Variants in PARD3 observed in about 807,000 individuals in gnomAD.
PARD3 encodes the protein partitioning defective 3 homolog.
Under a neutral mutation model 155.4 loss-of-function variants are expected in PARD3, and 75 were observed. The observed-to-expected ratio is 0.48, with a 90% confidence interval of 0.40 to 0.58. The LOEUF is 0.58. PARD3 is among the 20% of genes least tolerant of loss of function. The probability of loss-of-function intolerance (pLI) is 0.00; values close to 1 mark genes in which losing one functional copy is unlikely to be tolerated. For missense variants in PARD3, 1,642 were observed against 1,721.7 expected, an observed-to-expected ratio of 0.95 and a Z score of 0.82; for synonymous variants, 576 against 610.5, an observed-to-expected ratio of 0.94 and a Z score of 0.83.
chr10:34,599,194 A>G (rs1769663472), intron 2 of PARD3, among the ~76,000 whole-genome samples: 1 of 152,170 alleles, frequency 6.6e-6, no homozygotes, highest in Admixed American at 6.5e-5. Context: ...CATAACTCTT[A>G]GCGTAAGTAT....
chr10:34,314,066 C>A (rs1263094463), intron 20 of PARD3, among the ~76,000 whole-genome samples: 1 of 152,108 alleles, frequency 6.6e-6, no homozygotes, highest in African/African-American at 2.4e-5. Flanking sequence ...TGTGCACATG[C>A]ATGTTCTGAT....
At chr10:34,149,300 G>A (rs1037030121) in intron 22 of PARD3, among the ~76,000 whole-genome samples, 2 of 151,950 alleles carry the variant, frequency 1.3e-5, no homozygotes, top group African/African-American at 4.8e-5. Flanking sequence ...TTTCCTGGTA[G>A]TCTCCTCTTT....
chr10:34,664,795 T>C (rs2093409733), intron 2 of PARD3, among the ~76,000 whole-genome samples: 1 of 152,112 alleles, frequency 6.6e-6, no homozygotes, highest in South Asian at 2.1e-4. Flanking sequence ...CCAGAAACCT[T>C]TTTCTTAGTC....
intron 1 of PARD3, among the ~76,000 whole-genome samples, chr10:34,771,551 C>A (rs934789749): frequency 6.6e-6 from 1 of 152,242 alleles, no homozygotes; most frequent in East Asian, 1.9e-4. Flanking sequence ...AGAAAAGTTA[C>A]ACAAAACTGA....
At chr10:34,255,831 C>G (rs1485647938) in intron 22 of PARD3, among the ~76,000 whole-genome samples, 1 of 152,156 alleles carries the variant, frequency 6.6e-6, no homozygotes, top group Admixed American at 6.5e-5. Context: ...CTATTTGTAG[C>G]TTTTGAAAAT....
chr10:34,707,566 AG>A (rs1185771555), intron 1 of PARD3, among the ~76,000 whole-genome samples: 1 of 152,222 alleles, frequency 6.6e-6, no homozygotes, highest in Non-Finnish European at 1.5e-5. Flanking sequence ...GAGATCAGAG[AG>A]GAAGCTGAAA....
chr10:34,399,345 C>G lies in PARD3; in HGVS notation c.875G>C (p.Ser292Thr), dbSNP rs62625032. The change falls in exon 7 of 25, where the codon AGT (serine) becomes ACT (threonine). Residue 292 changes from serine (S) to threonine (T), a missense_variant. Physicochemically the swap from Ser to Thr is moderately conservative, Grantham distance 58. Around this residue, in one of 3 missense-constraint regions of PARD3, gnomAD observed 1,529 missense variants for 1,587.3 expected, o/e 0.96. Coordinates refer to ENST00000374788, the MANE Select transcript of PARD3 (RefSeq NM_001184785.2). The part of the protein sequence containing the change: ...GPLGIHVVPF[S>T]ARGGRTLGLL... ...GATACGTTACCTGCCGCCTCGAGCACTGAAAGGCACTACGTGGATTCCCAG... is the reference window on the plus strand; with the variant it reads ...GATACGTTACCTGCCGCCTCGAGCAGTGAAAGGCACTACGTGGATTCCCAG... 4,670 of 1,608,082 alleles carry G rather than the reference C, an allele frequency of 2.9e-3. 27 individuals are homozygous for G. Among genetic ancestry groups the G allele is most frequent in the Non-Finnish European group, 2.9e-3 (3,416 of 1,174,520 alleles).
chr10:34,331,860 A>G (rs1835653741), intron 18 of PARD3, among the ~76,000 whole-genome samples: 1 of 152,182 alleles, frequency 6.6e-6, no homozygotes, highest in South Asian at 2.1e-4. Flanking sequence ...ACAACACTGC[A>G]TAAGGAGTAA....
intron 2 of PARD3, among the ~76,000 whole-genome samples, chr10:34,560,689 G>A (rs1292922206): frequency 1.3e-5 from 2 of 152,222 alleles, no homozygotes; most frequent in Non-Finnish European, 2.9e-5. Flanking sequence ...ATGGGAGCCT[G>A]TCTCCTGTAA....
chr10:34,120,289 G>C (rs1946925872), intron 23 of PARD3, among the ~76,000 whole-genome samples: 1 of 149,674 alleles, frequency 6.7e-6, no homozygotes, highest in Admixed American at 6.7e-5. Flanking sequence ...ACAGGTGTAA[G>C]CCACTAAACC....
chr10:34,764,897 T>C (rs559663556), intron 1 of PARD3, among the ~76,000 whole-genome samples: 1 of 152,308 alleles, frequency 6.6e-6, no homozygotes, highest in South Asian at 2.1e-4. Context: ...GATGAAAACA[T>C]TTATCTTCAT....
chr10:34,353,948 A>G (rs1178100669), intron 14 of PARD3, among the ~76,000 whole-genome samples: 1 of 151,660 alleles, frequency 6.6e-6, no homozygotes, highest in Admixed American at 6.6e-5. Context: ...GAAAGAAAAA[A>G]GAAAACAAAC....
At chr10:34,492,161 C>T (rs1368273126) in intron 3 of PARD3, among the ~76,000 whole-genome samples, 3 of 152,128 alleles carry the variant, frequency 2.0e-5, no homozygotes, top group South Asian at 2.1e-4. Flanking sequence ...TACATTAGTA[C>T]GGATTTCTAA....
At chr10:34,800,267 G>C (rs1488036429) in intron 1 of PARD3, among the ~76,000 whole-genome samples, 1 of 152,000 alleles carries the variant, frequency 6.6e-6, no homozygotes, top group African/African-American at 2.4e-5. Flanking sequence ...CAGCACATAG[G>C]GCCTGATACA....
intron 22 of PARD3, among the ~76,000 whole-genome samples, chr10:34,242,497 T>C (rs1206893781): frequency 6.6e-6 from 1 of 152,114 alleles, no homozygotes; most frequent in African/African-American, 2.4e-5. Context: ...TCCCGTAAAA[T>C]GAGGGGTTGT....
intron 1 of PARD3, among the ~76,000 whole-genome samples, chr10:34,764,101 C>T (rs1837793780): frequency 6.6e-6 from 1 of 152,204 alleles, no homozygotes; most frequent in Non-Finnish European, 1.5e-5. Context: ...CATCACCGTC[C>T]TGCATGCTAG....
intron 1 of PARD3, among the ~76,000 whole-genome samples, chr10:34,696,738 C>T (rs995724234): frequency 6.7e-6 from 1 of 149,678 alleles, no homozygotes; most frequent in Non-Finnish European, 1.5e-5. Flanking sequence ...TCCTATTGCC[C>T]AATATATGAA....
intron 2 of PARD3, among the ~76,000 whole-genome samples, chr10:34,526,824 C>CT (rs2082518000): frequency 6.6e-6 from 1 of 152,188 alleles, no homozygotes; most frequent in Non-Finnish European, 1.5e-5. Context: ...AGTTCATATC[C>CT]AGTGTCGTCA....
At chr10:34,364,541 C>T (rs1240674198) in intron 12 of PARD3, among the ~76,000 whole-genome samples, 2 of 151,962 alleles carry the variant, frequency 1.3e-5, no homozygotes, top group African/African-American at 4.8e-5. Flanking sequence ...GTGATTATCC[C>T]GCCCTCAGCC....
Sources: allele counts gnomAD v4.1 joint callset (sites outside exome capture counted in the v4.1 genomes callset), GRCh38; gene constraint gnomAD v4.1.1; regional missense constraint gnomAD v4.1.1; transcripts MANE v1.5; gene names NCBI Gene and HGNC (gene_info 2026-07-23, HGNC 2026-07-21).